ITPRID2: variants seen among roughly 807,000 people sequenced by gnomAD.
ITPRID2 encodes the protein ITPR interacting domain containing 2.
In ITPRID2, 60 loss-of-function variants were observed where a neutral mutation model predicts 124.3. That is an observed-to-expected ratio of 0.48 (90% CI 0.39 to 0.60). The LOEUF (loss-of-function observed/expected upper bound fraction) is 0.60. Ranked by LOEUF, ITPRID2 falls within the 20% of genes least tolerant of loss-of-function variation. The pLI, the probability that ITPRID2 is intolerant of heterozygous loss-of-function variation, is 0.00. For synonymous variants in ITPRID2, 521 were observed against 542.9 expected (o/e 0.96, Z 0.56); for missense variants, 1,553 against 1,512.2 (o/e 1.03, Z -0.45).
intron 11 of ITPRID2, chr2:181,918,216 A>T: frequency 1.3e-6 from 1 of 766,732 alleles, no homozygotes; most frequent in Non-Finnish European, 1.6e-6. Context: ...TCTGAGAAAG[A>T]CGACAATGAT....
At chr2:181,913,054 T>C (rs1203757915) in intron 9 of ITPRID2, among the ~76,000 whole-genome samples, 1 of 152,056 alleles carries the variant, frequency 6.6e-6, no homozygotes, top group East Asian at 1.9e-4. Flanking sequence ...TTACTGGCCT[T>C]AATTGTATTT....
rs1197182342 is a variant in ITPRID2 at position 181,930,303 on chromosome 2, A to G, written c.*756A>G. The stretch of plus-strand genomic sequence containing the variant: ...TTTCTTTTTCTGTCTTCTAGACTAA[A>G]TAGAGTATCATCCAAATAATGGGGC... On this transcript the variant is annotated 3_prime_UTR_variant, in exon 18 of 18. Coordinates refer to ENST00000431877, the MANE Select transcript of ITPRID2 (RefSeq NM_001130445.3). The G allele has an allele frequency of 6.6e-6, 1 of 152,578 alleles. No homozygotes were observed. Among genetic ancestry groups the G allele is most frequent in the African/African-American group, 2.4e-5 (1 of 41,460 alleles). The allele number at this position is 152,578 out of a possible 1,614,324, so 9.5% of individuals were successfully genotyped here.
Position 181,919,918 on chromosome 2 carries a change from C to T in ITPRID2, c.3144+472C>T, listed in dbSNP as rs1366054014. 1.3e-5 allele frequency among the ~76,000 whole-genome samples: 2 copies of T among 151,236 alleles called. No individual in the cohort carries two copies. The highest frequency in any genetic ancestry group is 6.6e-5 in the Admixed American group (1 of 15,182). ...GAATCAAATGATACCTGTATATTTTCATACATATATATACATACACATACA... is the reference window on the plus strand; with the variant it reads ...GAATCAAATGATACCTGTATATTTTTATACATATATATACATACACATACA... On this transcript the variant is annotated intron_variant, in intron 14 of 17. Transcript: ENST00000431877. This position sits in a 1 kb window ranked among gnomAD's most constrained non-coding sequence, Gnocchi z 4.2.
rs922202654 is a variant in ITPRID2, at chr2:181,915,791, A to G, written c.2151A>G (p.Ser717=). The G allele has an allele frequency of 1.2e-6, 2 of 1,614,086 alleles. No individual in the cohort carries two copies. The highest frequency in any genetic ancestry group is 3.3e-5 in the Admixed American group (2 of 60,010). The change falls in exon 11 of 18, where the codon TCA becomes TCG. Residue 717 remains serine (S), a synonymous_variant. Transcript: ENST00000431877. ...NQRMGRSLLK[S]KDLLKQRYLF... ...GGATGGGGCGTAGCCTGCTAAAATC[A>G]AAAGATTTGTTAAAACAAAGGTACT...
intron 8 of ITPRID2, 59 bp from the exon 9 acceptor site, chr2:181,909,840 A>G: frequency 7.9e-7 from 1 of 1,259,450 alleles, no homozygotes; most frequent in South Asian, 1.2e-5. Flanking sequence ...TTTATTCAAG[A>G]AGTTATACTT....
Position 181,921,990 on chromosome 2 carries a change from T to C in ITPRID2, c.3253T>C (p.Leu1085=), listed in dbSNP as rs1694510858. The C allele has an allele frequency of 1.2e-6, 2 of 1,614,116 alleles. No homozygotes were observed. The highest frequency in any genetic ancestry group is 1.7e-5 in the Admixed American group (1 of 60,012). The change falls in exon 16 of 18, where the codon TTG becomes CTG. Residue 1085 remains leucine (L), a synonymous_variant. Transcript: ENST00000431877. ...GGAGCAGTCATACCTGAAGTCTGAA[T>C]TGGGCCTGGGACTTGGAGAAATGGG... ...MQEQSYLKSE[L]GLGLGEMGFE... is the part of the protein sequence containing the mutation.
At position 181,918,683 on chromosome 2, in the gene ITPRID2, C is replaced by A. The variant is rs766030069; in HGVS notation, c.2865+8C>A. On this transcript the variant is annotated splice_region_variant and intron_variant, in intron 12 of 17. Coordinates refer to ENST00000431877, the MANE Select transcript of ITPRID2 (RefSeq NM_001130445.3). ...GTTCTACCTCTTTATGAAGTAAGTTCTTTCTTACATCTTTGTGTTCCAAAA... is the reference window on the plus strand; with the variant it reads ...GTTCTACCTCTTTATGAAGTAAGTTATTTCTTACATCTTTGTGTTCCAAAA... The A allele has an allele frequency of 2.5e-6, 4 of 1,613,800 alleles. No individual in the cohort carries two copies. The highest frequency in any genetic ancestry group is 2.2e-5 in the East Asian group (1 of 44,866).
chr2:181,906,135 G>A (rs1693091513), intron 8 of ITPRID2, among the ~76,000 whole-genome samples: 1 of 152,146 alleles, frequency 6.6e-6, no homozygotes, highest in African/African-American at 2.4e-5. Flanking sequence ...TCATAAACTA[G>A]TACGGAAAGA....
In ITPRID2 at chr2:181,902,410, A is replaced by G; in HGVS notation, c.1357A>G (p.Ile453Val). 6.2e-7 allele frequency: 1 copy of G among 1,609,194 alleles called. No homozygotes were observed. Among genetic ancestry groups the G allele is most frequent in the Non-Finnish European group, 8.5e-7 (1 of 1,178,708 alleles). Residue 453 changes from isoleucine to valine, a missense_variant, in exon 8 of 18, where the codon ATA (isoleucine) becomes GTA (valine). By Grantham distance (29) the Ile-to-Val change is conservative. Transcript: ENST00000431877. The surrounding 1 kb of genome is among the most constrained non-coding windows in gnomAD (Gnocchi z 4.4). ...PEKEPCAPLTIPSIRNIMTQQ... is the reference protein window; with the variant it reads ...PEKEPCAPLTVPSIRNIMTQQ... ...AAAAGAGCCTTGTGCACCACTGACA[A>G]TACCATCCATAAGAAATATAATGAC...
At chr2:181,913,819 T>G in intron 9 of ITPRID2, 26 bp from the exon 10 acceptor site, 1 of 1,571,864 alleles carries the variant, frequency 6.4e-7, no homozygotes, top group Non-Finnish European at 8.7e-7. Context: ...CATCTGTTTC[T>G]TATAGCCACA....
Position 181,910,271 on chromosome 2 carries a change from A to T in ITPRID2, c.1486+300A>T, listed in dbSNP as rs1402726586. On this transcript the variant is annotated intron_variant, in intron 9 of 17. Transcript: ENST00000431877. This position sits in a 1 kb window ranked among gnomAD's most constrained non-coding sequence, Gnocchi z 4.1. ...TAGTTGGGAAGTGATAGAGCAATGG[A>T]TTAAGACTACCTTTTACATTGTTAT... Among the ~76,000 whole-genome samples, 5 of 152,346 alleles carry T rather than the reference A, an allele frequency of 3.3e-5. No homozygotes were observed. Among genetic ancestry groups the T allele is most frequent in the African/African-American group, 9.6e-5 (4 of 41,578 alleles).
intron 8 of ITPRID2, among the ~76,000 whole-genome samples, chr2:181,903,499 G>GTC (rs894452489): frequency 1.3e-5 from 2 of 152,168 alleles, no homozygotes; most frequent in East Asian, 1.9e-4. Flanking sequence ...TTAGGTGAGT[G>GTC]TCTCTCTCTC....
At chr2:181,895,262 T>G (rs1246177417) in intron 2 of ITPRID2, among the ~76,000 whole-genome samples, 2 of 152,062 alleles carry the variant, frequency 1.3e-5, no homozygotes, top group African/African-American at 4.8e-5. Flanking sequence ...AATGTGTTTC[T>G]TACTATAACT....
In ITPRID2 at chr2:181,910,673, C is replaced by A; in HGVS notation, c.1486+702C>A. On this transcript the variant is annotated intron_variant, in intron 9 of 17. Transcript: ENST00000431877. This position sits in a 1 kb window ranked among gnomAD's most constrained non-coding sequence, Gnocchi z 4.1. ...GAAACTTTACACATGCTGAACCACCCTGTTTTTTTTTTAAACAAAGATTCG... is the reference window on the plus strand; with the variant it reads ...GAAACTTTACACATGCTGAACCACCATGTTTTTTTTTTAAACAAAGATTCG... 3.1e-6 allele frequency: 2 copies of A among 648,888 alleles called. No homozygotes were observed. The highest frequency in any genetic ancestry group is 1.8e-5 in the South Asian group (1 of 54,322). 40.2% of individuals were successfully genotyped at this position (648,888 alleles called of 1,614,324 possible).
At chr2:181,916,778 A>T in intron 11 of ITPRID2, 12 of 924,650 alleles carry the variant, frequency 1.3e-5, no homozygotes, top group Non-Finnish European at 1.6e-5. Flanking sequence ...TCCCTCTTAA[A>T]GTTCTTTCTC....
In ITPRID2 at chr2:181,901,756, C is replaced by A; in HGVS notation, c.713-10C>A. ...TATAAACATATCATTAATATTGTTT[C>A]TTTTGGTAGGCCGTTTTCGTCAAAT... On this transcript the variant is annotated splice_polypyrimidine_tract_variant and intron_variant, in intron 7 of 17. Coordinates refer to ENST00000431877, the MANE Select transcript of ITPRID2 (RefSeq NM_001130445.3). 2 of 1,567,374 alleles carry A rather than the reference C, an allele frequency of 1.3e-6. No individual in the cohort carries two copies.
chr2:181,929,544 CTCTTT>C lies in ITPRID2; in HGVS notation c.*14-10_*14-6del, dbSNP rs1695129078. ...TTTGAAAGAGGTTTAAAACTGACTT[CTCTTT>C]TCTTTTTTAAGGTTGGCATGGATCC... On this transcript the variant is annotated splice_polypyrimidine_tract_variant and intron_variant, in intron 17 of 17. Coordinates refer to ENST00000431877, the MANE Select transcript of ITPRID2 (RefSeq NM_001130445.3). 3.2e-6 allele frequency: 5 copies of C among 1,587,030 alleles called. No individual in the cohort carries two copies. Among genetic ancestry groups the C allele is most frequent in the Middle Eastern group, 1.7e-4 (1 of 5,982 alleles).
chr2:181,927,116 T>A (rs1694921966), intron 16 of ITPRID2, among the ~76,000 whole-genome samples: 1 of 152,206 alleles, frequency 6.6e-6, no homozygotes, highest in Non-Finnish European at 1.5e-5. Context: ...TATGTATAAA[T>A]CTATGTATTG....
At chr2:181,898,025 T>C (rs1462661844) in intron 4 of ITPRID2, among the ~76,000 whole-genome samples, 1 of 152,036 alleles carries the variant, frequency 6.6e-6, no homozygotes, top group African/African-American at 2.4e-5. Context: ...TAATATTGAA[T>C]GATTTTATTG....
Sources: gnomAD v4.1 joint callset for allele counts (sites outside exome capture counted in the v4.1 genomes callset) on GRCh38, gnomAD v4.1.1 for gene constraint, Gnocchi (gnomAD v3.1) non-coding constraint, MANE v1.5 for transcripts, NCBI Gene and HGNC (gene_info 2026-07-23, HGNC 2026-07-21) for gene names.